Variants in ST8SIA1 observed in about 807,000 individuals in gnomAD.
The protein encoded by ST8SIA1 is alpha-N-acetylneuraminide alpha-2,8-sialyltransferase.
A neutral mutation model predicts 35.9 loss-of-function variants in ST8SIA1; 16 were observed. That is an observed-to-expected ratio of 0.45 (90% CI 0.30 to 0.68). The LOEUF is 0.68. ST8SIA1 is among the 30% of genes least tolerant of loss of function. The pLI is 0.09. For missense variants in ST8SIA1, 383 were observed against 453.6 expected (o/e 0.84, Z 1.41); for synonymous variants, 170 against 169.6 (o/e 1.00, Z -0.02).
At chr12:22,236,753 G>A (rs1454143883) in intron 4 of ST8SIA1, among the ~76,000 whole-genome samples, 2 of 152,154 alleles carry the variant, frequency 1.3e-5, no homozygotes, top group South Asian at 2.1e-4. Flanking sequence ...TTAGAGTAAT[G>A]TTTGATCTGA....
intron 1 of ST8SIA1, among the ~76,000 whole-genome samples, chr12:22,322,736 C>A (rs1364270072): frequency 6.6e-6 from 1 of 152,172 alleles, no homozygotes; most frequent in East Asian, 1.9e-4. Context: ...ACTTCACCAC[C>A]AAAACACTGA....
intron 4 of ST8SIA1, among the ~76,000 whole-genome samples, chr12:22,210,084 C>T (rs1360063320): frequency 6.6e-6 from 1 of 152,068 alleles, no homozygotes; most frequent in Non-Finnish European, 1.5e-5. Flanking sequence ...TATTATGATA[C>T]ATGGCAATTT....
intron 1 of ST8SIA1, among the ~76,000 whole-genome samples, chr12:22,312,623 G>T (rs940326608): frequency 6.6e-6 from 1 of 150,764 alleles, no homozygotes; most frequent in African/African-American, 2.4e-5. Flanking sequence ...TATTGCTCTT[G>T]TTGGTAAATA....
intron 2 of ST8SIA1, among the ~76,000 whole-genome samples, chr12:22,271,423 A>C (rs1865910408): frequency 6.6e-6 from 1 of 152,186 alleles, no homozygotes; most frequent in Non-Finnish European, 1.5e-5. Flanking sequence ...GTCATCTTCT[A>C]AGTGCCCAGG....
chr12:22,202,101 C>G, intron 4 of ST8SIA1, 63 bp from the exon 5 acceptor site: 2 of 1,459,858 alleles, frequency 1.4e-6, no homozygotes, highest in Non-Finnish European at 1.8e-6. Context: ...CCAAAACCCA[C>G]TCTGTTGTCT....
chr12:22,292,750 G>A (rs1035552538), intron 1 of ST8SIA1, among the ~76,000 whole-genome samples: 3 of 152,098 alleles, frequency 2.0e-5, no homozygotes, highest in Admixed American at 6.5e-5. Flanking sequence ...CACTAGCAGC[G>A]GGAGAAAGAA....
intron 1 of ST8SIA1, among the ~76,000 whole-genome samples, chr12:22,291,036 G>A (rs1866168304): frequency 1.3e-5 from 2 of 152,094 alleles, no homozygotes; most frequent in African/African-American, 2.4e-5. Flanking sequence ...AGCTAATGAC[G>A]CTATAACCGC....
chr12:22,235,112 T>A (rs1434036518), intron 4 of ST8SIA1, among the ~76,000 whole-genome samples: 3 of 152,114 alleles, frequency 2.0e-5, no homozygotes, highest in Non-Finnish European at 2.9e-5. Flanking sequence ...AAAGCTACAG[T>A]GGAAACTTCG....
rs973860412 is a variant in ST8SIA1 at position 22,325,068 on chromosome 12, G to A, written c.236+8929C>T. 7 of 180,432 alleles carry A rather than the reference G, an allele frequency of 3.9e-5. No individual in the cohort carries two copies. The East Asian group carries it at 5.7e-4, about 15-fold the overall frequency. 11.2% of individuals were successfully genotyped at this position (180,432 alleles called of 1,614,324 possible). On this transcript the variant is annotated intron_variant, in intron 1 of 4. Coordinates refer to ENST00000396037, the MANE Select transcript of ST8SIA1 (RefSeq NM_003034.4). ...GAGACTGTTTACAATAAGTACTTCC[G>A]AGTGAGGGAATTTCAGCAGGCTTTT...
intron 3 of ST8SIA1, among the ~76,000 whole-genome samples, chr12:22,254,194 C>T (rs1011284100): frequency 3.9e-5 from 6 of 152,152 alleles, no homozygotes; most frequent in African/African-American, 1.2e-4. Flanking sequence ...AGAGTCTATC[C>T]TCAAGGCTCC....
intron 3 of ST8SIA1, among the ~76,000 whole-genome samples, chr12:22,252,655 T>C (rs1420987343): frequency 6.6e-6 from 1 of 152,238 alleles, no homozygotes; most frequent in African/African-American, 2.4e-5. Context: ...TGCCAGGCAC[T>C]CTAATCAGAA....
intron 1 of ST8SIA1, among the ~76,000 whole-genome samples, chr12:22,302,528 CT>C (rs1866331764): frequency 6.6e-6 from 1 of 152,166 alleles, no homozygotes; most frequent in Non-Finnish European, 1.5e-5. Context: ...TAAAAATGAG[CT>C]TTCCTAATAA....
chr12:22,308,416 G>A (rs1347261238), intron 1 of ST8SIA1, among the ~76,000 whole-genome samples: 1 of 151,864 alleles, frequency 6.6e-6, no homozygotes, highest in African/African-American at 2.4e-5. Context: ...CTTCAAAATC[G>A]GTACACACTT....
At chr12:22,284,996 C>T (rs1409825027) in intron 2 of ST8SIA1, among the ~76,000 whole-genome samples, 1 of 152,202 alleles carries the variant, frequency 6.6e-6, no homozygotes, top group East Asian at 1.9e-4. Flanking sequence ...AAGGAGATTG[C>T]TTCCTTATCT....
chr12:22,224,205 T>C (rs1239278907), intron 4 of ST8SIA1, among the ~76,000 whole-genome samples: 1 of 152,126 alleles, frequency 6.6e-6, no homozygotes, highest in Admixed American at 6.6e-5. Context: ...GCCAACTGTA[T>C]TTACTCCTTT....
chr12:22,333,568 C>T lies in ST8SIA1; in HGVS notation c.236+429G>A, dbSNP rs188790711. On this transcript the variant is annotated intron_variant, in intron 1 of 4. Transcript: ENST00000396037. ...ACTCCGACGTTGGGGACTTATGTTA[C>T]CGACTGTGCACTCCACCTCGGGGAG... is the stretch of plus-strand genomic sequence containing the variant. Among the ~76,000 whole-genome samples the T allele has an allele frequency of 2.8e-3, 432 of 152,326 alleles. 3 individuals are homozygous for T. Among genetic ancestry groups the T allele is most frequent in the South Asian group, 5.0e-3 (24 of 4,832 alleles).
intron 1 of ST8SIA1, among the ~76,000 whole-genome samples, chr12:22,308,332 G>C (rs1866409000): frequency 6.6e-6 from 1 of 152,038 alleles, no homozygotes; most frequent in Non-Finnish European, 1.5e-5. Flanking sequence ...AGTTAAAAAA[G>C]AACATAACCA....
chr12:22,210,544 G>A (rs1435788930), intron 4 of ST8SIA1, among the ~76,000 whole-genome samples: 2 of 152,124 alleles, frequency 1.3e-5, no homozygotes, highest in Admixed American at 6.6e-5. Context: ...TCTACCTAGA[G>A]ATAGCGTCAG....
intron 2 of ST8SIA1, among the ~76,000 whole-genome samples, chr12:22,267,742 C>G: frequency 6.6e-6 from 1 of 152,160 alleles, no homozygotes; most frequent in East Asian, 1.9e-4. Flanking sequence ...GATGCATATT[C>G]TTGGTCTACT....
Sources: gnomAD v4.1 joint callset for allele counts (sites outside exome capture counted in the v4.1 genomes callset) on GRCh38, gnomAD v4.1.1 for gene constraint, MANE v1.5 for transcripts, NCBI Gene and HGNC (gene_info 2026-07-23, HGNC 2026-07-21) for gene names.